The following STAU2 variants were observed in gnomAD, a reference collection of about 807,000 sequenced individuals.
The protein encoded by STAU2 is staufen double-stranded RNA binding protein 2.
A neutral mutation model predicts 65.9 loss-of-function variants in STAU2; 20 were observed. The observed-to-expected ratio is 0.30, with a 90% CI of 0.21 to 0.44. STAU2 has a LOEUF of 0.44. Ranked by LOEUF, STAU2 falls within the 20% of genes least tolerant of loss-of-function variation. STAU2 has a pLI of 1.00. For synonymous variants in STAU2, 232 were observed against 233.9 expected (o/e 0.99, Z 0.07); for missense variants, 558 against 683.9 (o/e 0.82, Z 2.05).
chr8:73,741,080 C>A (rs1563541693), intron 1 of STAU2, among the ~76,000 whole-genome samples: 1 of 147,672 alleles, frequency 6.8e-6, no homozygotes, highest in Non-Finnish European at 1.5e-5. Flanking sequence ...CAGAGGCGGG[C>A]GGATCATGAG....
At chr8:73,718,773 CTAAG>C (rs1324610207) in intron 3 of STAU2, among the ~76,000 whole-genome samples, 1 of 152,174 alleles carries the variant, frequency 6.6e-6, no homozygotes, top group Non-Finnish European at 1.5e-5. Flanking sequence ...AGACTTATCT[CTAAG>C]TAGTTCATAT....
chr8:73,434,736 T>C (rs1435965579), intron 13 of STAU2, among the ~76,000 whole-genome samples: 1 of 151,784 alleles, frequency 6.6e-6, no homozygotes, highest in Non-Finnish European at 1.5e-5. Flanking sequence ...CATCCAGTCA[T>C]GAAATTCTTT....
intron 13 of STAU2, among the ~76,000 whole-genome samples, chr8:73,451,463 G>A (rs140064984): frequency 2.0e-3 from 304 of 152,164 alleles, no homozygotes; most frequent in Admixed American, 4.7e-3. Flanking sequence ...TATAAAGACA[G>A]ATGTGTACAC....
intron 13 of STAU2, among the ~76,000 whole-genome samples, chr8:73,497,894 A>G (rs1821512187): frequency 6.6e-6 from 1 of 151,844 alleles, no homozygotes; most frequent in Admixed American, 6.6e-5. Context: ...AACATCTCAC[A>G]TGCTTTGTCA....
At chr8:73,678,291 C>A (rs1316611041) in intron 5 of STAU2, among the ~76,000 whole-genome samples, 1 of 152,132 alleles carries the variant, frequency 6.6e-6, no homozygotes, top group Admixed American at 6.6e-5. Flanking sequence ...CAAGTCGTCC[C>A]AATTCACTCA....
chr8:73,651,379 G>C, intron 6 of STAU2: 1 of 671,886 alleles, frequency 1.5e-6, no homozygotes, highest in South Asian at 1.5e-5. Context: ...AGTGGAAGAG[G>C]CTGGCCAGGG....
intron 9 of STAU2, among the ~76,000 whole-genome samples, chr8:73,606,496 TATC>T (rs1459346179): frequency 1.4e-4 from 21 of 152,158 alleles, no homozygotes; most frequent in African/African-American, 5.1e-4. Context: ...AAATTCTTGA[TATC>T]ATCTGCCACA....
chr8:73,699,519 C>G (rs188306452), intron 4 of STAU2, among the ~76,000 whole-genome samples: 12 of 152,068 alleles, frequency 7.9e-5, no homozygotes, highest in Admixed American at 7.9e-4. Context: ...TTCAAAGGAT[C>G]GTTAGTGACT....
At chr8:73,734,664 T>C (rs947940202) in intron 3 of STAU2, among the ~76,000 whole-genome samples, 15 of 152,112 alleles carry the variant, frequency 9.9e-5, no homozygotes, top group African/African-American at 2.9e-4. Flanking sequence ...CGTGGTGGCA[T>C]GCGCTTGTGA....
intron 7 of STAU2, 64 bp downstream of exon 7, chr8:73,617,228 A>C: frequency 1.3e-6 from 2 of 1,555,712 alleles, no homozygotes; most frequent in Non-Finnish European, 1.7e-6. Flanking sequence ...TAATTATAAA[A>C]TGCTCTGATT....
At chr8:73,563,469 T>C (rs1036828223) in intron 12 of STAU2, among the ~76,000 whole-genome samples, 1 of 152,138 alleles carries the variant, frequency 6.6e-6, no homozygotes, top group African/African-American at 2.4e-5. Flanking sequence ...GGAAAGGGTA[T>C]GGCTATAACA....
At chr8:73,677,834 A>G (rs1490461968) in intron 5 of STAU2, among the ~76,000 whole-genome samples, 1 of 152,166 alleles carries the variant, frequency 6.6e-6, no homozygotes, top group East Asian at 1.9e-4. Context: ...CTCTCAGCTT[A>G]CTATAACACT....
intron 6 of STAU2, among the ~76,000 whole-genome samples, chr8:73,617,780 C>T (rs1469704650): frequency 2.0e-5 from 3 of 152,146 alleles, no homozygotes; most frequent in Non-Finnish European, 4.4e-5. Context: ...GATGAAGCTA[C>T]AACAGAGGCT....
chr8:73,479,712 C>CGTGTGTGTGTGTGTGT lies in STAU2; in HGVS notation c.1531-57026_1531-57011dup, dbSNP rs5892422. Among the ~76,000 whole-genome samples, 1,170 of 143,850 alleles carry CGTGTGTGTGTGTGTGT rather than the reference C, an allele frequency of 8.1e-3. 12 individuals are homozygous for CGTGTGTGTGTGTGTGT. The highest frequency in any genetic ancestry group is 0.014 in the East Asian group (70 of 4,916). The allele number at this position is 143,850 out of a possible 152,430, so 94.4% of individuals were successfully genotyped here. A position where few individuals can be genotyped will look rare whatever the true frequency, so the allele number is the denominator to read the frequency against. ...TCCAACAAAGATACACTTAAATATA[C>CGTGTGTGTGTGTGTGT]GTGTGTGTGTGTGTGTGTGTGTGTG... On this transcript the variant is annotated intron_variant, in intron 13 of 14. Coordinates refer to ENST00000524300, the MANE Select transcript of STAU2 (RefSeq NM_001164380.2).
At chr8:73,479,198 C>T (rs189175530) in intron 13 of STAU2, among the ~76,000 whole-genome samples, 2 of 152,262 alleles carry the variant, frequency 1.3e-5, no homozygotes, top group East Asian at 3.9e-4. Flanking sequence ...CTCATAACTA[C>T]ATCACTGTCG....
intron 3 of STAU2, chr8:73,732,901 A>G (rs890242816): frequency 6.6e-6 from 1 of 152,156 alleles, no homozygotes; most frequent in African/African-American, 2.4e-5. Flanking sequence ...ACCAGCACCA[A>G]TGCTAAGCAT....
Position 73,655,712 on chromosome 8 carries a change from G to A in STAU2, c.410+17395C>T, listed in dbSNP as rs758687083. Among the ~76,000 whole-genome samples the A allele has an allele frequency of 5.0e-4, 71 of 141,012 alleles. No homozygotes were observed. The Middle Eastern group carries it at 0.012, about 24-fold the overall frequency. 92.5% of individuals were successfully genotyped at this position (141,012 alleles called of 152,430 possible). A position where few individuals can be genotyped will look rare whatever the true frequency, so the allele number is the denominator to read the frequency against. On this transcript the variant is annotated intron_variant, in intron 6 of 14. Coordinates refer to ENST00000524300, the MANE Select transcript of STAU2 (RefSeq NM_001164380.2). ...CGCCCAGGCTGGAGTGCAGTGGCGC[G>A]ATCTCGGCTCACTGCAAGCTCCACC...
At chr8:73,603,553 T>C (rs17313251) in intron 10 of STAU2, among the ~76,000 whole-genome samples, 173 bp downstream of exon 10, 23,614 of 152,218 alleles carry the variant, frequency 0.16, 1,862 homozygotes, top group African/African-American at 0.18. Flanking sequence ...TAACATGTCC[T>C]TGACACTTGA....
At chr8:73,492,834 G>C (rs1821216129) in intron 13 of STAU2, among the ~76,000 whole-genome samples, 1 of 151,806 alleles carries the variant, frequency 6.6e-6, no homozygotes, top group South Asian at 2.1e-4. Flanking sequence ...AGATTATCAT[G>C]GCAGTATTTT....
Sources: gnomAD v4.1 joint callset for allele counts (sites outside exome capture counted in the v4.1 genomes callset) on GRCh38, gnomAD v4.1.1 for gene constraint, MANE v1.5 for transcripts, NCBI Gene and HGNC (gene_info 2026-07-23, HGNC 2026-07-21) for gene names.